ABR: variants seen among roughly 807,000 people sequenced by gnomAD.
ABR encodes the protein ABR activator of RhoGEF and GTPase.
In ABR, 35 loss-of-function variants were observed where a neutral mutation model predicts 107.2. The observed-to-expected ratio is 0.33, with a 90% CI of 0.25 to 0.43. ABR has a LOEUF of 0.43. Among genes scored for constraint, ABR ranks in the 20% least tolerant of loss-of-function variants. The pLI is 1.00. For synonymous variants in ABR, 498 were observed against 462.0 expected (o/e 1.08, Z -1.00); for missense variants, 815 against 1,115.2 (o/e 0.73, Z 3.83).
rs1012491322 is a variant in ABR, at chr17:1,006,004, A to C, written c.*76T>G. The C allele has an allele frequency of 3.1e-5, 41 of 1,313,068 alleles. No individual in the cohort carries two copies. Among genetic ancestry groups the C allele is most frequent in the Non-Finnish European group, 4.4e-5 (41 of 931,120 alleles). 81.3% of individuals were successfully genotyped at this position (1,313,068 alleles called of 1,614,324 possible). On this transcript the variant is annotated 3_prime_UTR_variant, in exon 23 of 23. Transcript: ENST00000302538. ...GCTGGGTTTGGGAGTTTTCTATTGC[A>C]GTCTTTCAAGTCTGAGTTGGACCCC...
At position 1,200,927 on chromosome 17, in the gene ABR, G is replaced by GA. The variant is rs1377691507; in HGVS notation, c.838+27865_838+27866insT. Among the ~76,000 whole-genome samples, 2 of 152,314 alleles carry GA rather than the reference G, an allele frequency of 1.3e-5. No homozygotes were observed. The highest frequency in any genetic ancestry group is 3.9e-4 in the East Asian group (2 of 5,172). ...GCTACAGCTTAGAGACTGGGAGAAA[G>GA]CCTTGGGGTTGGCCAGGGACACCCA... On this transcript the variant is annotated intron_variant, in intron 1 of 22. Transcript: ENST00000574139. This position sits in a 1 kb window ranked among gnomAD's most constrained non-coding sequence, Gnocchi z 4.1.
At chr17:1,153,416 G>GTCCAGGCACACCTGCGGGAGGGCTAGGGA (rs2040886307) in intron 1 of ABR, among the ~76,000 whole-genome samples, 6 of 138,380 alleles carry the variant, frequency 4.3e-5, no homozygotes, top group East Asian at 2.2e-4. Flanking sequence ...AGGGCTGGGG[G>GTCCAGGCACACCTGCGGGAGGGCTAGGGA]TCCAGGCACA....
chr17:1,214,446 A>G lies in ABR; in HGVS notation c.838+14347T>C, dbSNP rs369188023. Among the ~76,000 whole-genome samples, 4 of 152,308 alleles carry G rather than the reference A, an allele frequency of 2.6e-5. No homozygotes were observed. The East Asian group carries it at 5.8e-4, about 22-fold the overall frequency. The stretch of plus-strand genomic sequence containing the variant: ...GTTTAAATTACCCTAACAATGCTGA[A>G]TATCTACAGTTAATAGCAATTTAAA... On this transcript the variant is annotated intron_variant, in intron 1 of 22. Transcript: ENST00000574139.
intron 16 of ABR, chr17:1,031,777 C>G (rs1221670886): frequency 8.2e-7 from 1 of 1,221,240 alleles, no homozygotes; most frequent in African/African-American, 1.6e-5. Flanking sequence ...GGAGAGAAGG[C>G]GCCTGTGGAG....
intron 9 of ABR, among the ~76,000 whole-genome samples, chr17:1,068,337 T>C (rs1331105561): frequency 6.6e-6 from 1 of 152,162 alleles, no homozygotes; most frequent in Non-Finnish European, 1.5e-5. Flanking sequence ...TGGGGCTTGC[T>C]CCCCCTGAGC....
At chr17:1,064,555 G>A (rs1476824654) in intron 10 of ABR, among the ~76,000 whole-genome samples, 2 of 124,194 alleles carry the variant, frequency 1.6e-5, no homozygotes, top group African/African-American at 6.0e-5. Context: ...TGTGAACTGA[G>A]GGCTATGCAT....
chr17:1,177,290 C>T (rs1416418632), intron 1 of ABR, among the ~76,000 whole-genome samples: 1 of 152,222 alleles, frequency 6.6e-6, no homozygotes, highest in African/African-American at 2.4e-5. Context: ...CCCGGGAAGC[C>T]TCCTGCTACA....
At chr17:1,184,339 C>T (rs534464033), upstream of ABR, among the ~76,000 whole-genome samples, 1 of 152,038 alleles carries the variant, frequency 6.6e-6, no homozygotes, top group African/African-American at 2.4e-5. Context: ...CCTGTAGTCC[C>T]AGCTACTCGG....
chr17:1,167,985 C>A (rs532279515), intron 1 of ABR, among the ~76,000 whole-genome samples: 1 of 151,842 alleles, frequency 6.6e-6, no homozygotes, highest in African/African-American at 2.4e-5. Flanking sequence ...AACCCCGTCT[C>A]TACTAAAAAT....
intron 10 of ABR, among the ~76,000 whole-genome samples, chr17:1,064,573 T>C (rs1597632479): frequency 8.9e-6 from 1 of 112,164 alleles, no homozygotes; most frequent in Admixed American, 9.7e-5. Context: ...CATGTTCCTC[T>C]AGACACTGCT....
intron 16 of ABR, 155 bp from the exon 17 acceptor site, chr17:1,013,319 T>TG (rs1244683948): frequency 7.8e-6 from 6 of 773,294 alleles, no homozygotes; most frequent in South Asian, 5.1e-5. Context: ...ATCAACCCTT[T>TG]GGGGGGACCC....
chr17:1,099,012 C>T (rs1366280121), intron 3 of ABR, among the ~76,000 whole-genome samples: 1 of 152,070 alleles, frequency 6.6e-6, no homozygotes, highest in Non-Finnish European at 1.5e-5. Flanking sequence ...GTCTCGAACT[C>T]CTGACCTCAG....
intron 1 of ABR, among the ~76,000 whole-genome samples, chr17:1,168,847 T>TGGA (rs147510031): frequency 1.3e-5 from 2 of 152,362 alleles, no homozygotes; most frequent in East Asian, 3.9e-4. Flanking sequence ...AATCAGCTCC[T>TGGA]GCCTTTGGTT....
At position 1,091,285 on chromosome 17, in the gene ABR, G is replaced by A. The variant is rs112271080; in HGVS notation, c.531+380C>T. ...GGGCTGGTTCCTCAGAGCACCCTCC[G>A]GGAGAGAGAGGGAGCACCGTCCGGG... On this transcript the variant is annotated intron_variant, in intron 4 of 22. Coordinates refer to ENST00000302538, the MANE Select transcript of ABR (RefSeq NM_021962.5). Among the ~76,000 whole-genome samples, 10 of 152,258 alleles carry A rather than the reference G, an allele frequency of 6.6e-5. No individual in the cohort carries two copies. The East Asian group carries it at 1.2e-3, about 18-fold the overall frequency.
At chr17:1,139,239 G>GT (rs1010113947) in intron 1 of ABR, among the ~76,000 whole-genome samples, 30 of 151,962 alleles carry the variant, frequency 2.0e-4, no homozygotes, top group African/African-American at 5.8e-4. Context: ...AAAAAAAGAG[G>GT]TTTTTTTTGT....
intron 1 of ABR, among the ~76,000 whole-genome samples, chr17:1,192,445 G>A (rs187280170): frequency 6.6e-6 from 1 of 152,292 alleles, no homozygotes; most frequent in Non-Finnish European, 1.5e-5. Context: ...GCAGGAGGGA[G>A]GTACCACTTC....
intron 1 of ABR, among the ~76,000 whole-genome samples, chr17:1,172,758 A>G (rs1489601312): frequency 6.6e-6 from 1 of 151,652 alleles, no homozygotes; most frequent in Non-Finnish European, 1.5e-5. Flanking sequence ...TCAAAAAAAA[A>G]AGAAAAGAAA....
At chr17:1,143,850 C>T (rs1026538908) in intron 1 of ABR, among the ~76,000 whole-genome samples, 5 of 152,100 alleles carry the variant, frequency 3.3e-5, no homozygotes, top group African/African-American at 1.2e-4. Context: ...GGCAGAGAAG[C>T]GCATGTGGCT....
intron 6 of ABR, 84 bp from the exon 7 acceptor site, chr17:1,073,761 C>T (rs2035450229): frequency 3.9e-6 from 5 of 1,279,898 alleles, no homozygotes; most frequent in Middle Eastern, 2.5e-4. Flanking sequence ...CGTCCCCCCA[C>T]CCGCATGCTT....
Sources: gnomAD v4.1 joint callset for allele counts (sites outside exome capture counted in the v4.1 genomes callset) on GRCh38, gnomAD v4.1.1 for gene constraint, Gnocchi (gnomAD v3.1) non-coding constraint, MANE v1.5 for transcripts, NCBI Gene and HGNC (gene_info 2026-07-23, HGNC 2026-07-21) for gene names.